The following TAF1A variants were observed in gnomAD, a reference collection of about 807,000 sequenced individuals.
The protein encoded by TAF1A is TATA box-binding protein-associated factor RNA polymerase I subunit A.
A neutral mutation model predicts 61.6 loss-of-function variants in TAF1A; 42 were observed. The observed-to-expected ratio is 0.68, with a 90% CI of 0.53 to 0.88. The LOEUF is 0.88. Among genes scored for constraint, TAF1A ranks in the 40% least tolerant of loss-of-function variants. The pLI is 0.00. For synonymous variants in TAF1A, 179 were observed against 177.7 expected, an observed-to-expected ratio of 1.01 and a Z score of -0.06; for missense variants, 424 against 518.7, an observed-to-expected ratio of 0.82 and a Z score of 1.77.
chr1:222,568,032 A>G (rs1660182276), intron 7 of TAF1A, among the ~76,000 whole-genome samples: 1 of 152,172 alleles, frequency 6.6e-6, no homozygotes, highest in African/African-American at 2.4e-5. Flanking sequence ...AAAGTTCCAA[A>G]TGTACTAAAT....
chr1:222,573,596 A>C (rs1660447464), intron 5 of TAF1A, among the ~76,000 whole-genome samples: 1 of 152,234 alleles, frequency 6.6e-6, no homozygotes, highest in South Asian at 2.1e-4. Flanking sequence ...AAAGACAGAT[A>C]ATGGCAAGTG....
At chr1:222,569,352 G>C (rs1467739324) in intron 7 of TAF1A, 158 bp downstream of exon 7, 1 of 1,539,614 alleles carries the variant, frequency 6.5e-7, no homozygotes, top group Non-Finnish European at 8.7e-7. Context: ...ATACATACAT[G>C]GAGATGGCAG....
intron 2 of TAF1A, among the ~76,000 whole-genome samples, chr1:222,584,713 T>C (rs1660943221): frequency 6.6e-6 from 1 of 152,212 alleles, no homozygotes; most frequent in Non-Finnish European, 1.5e-5. Flanking sequence ...AGTGGGCTTT[T>C]ATTTTTTAAG....
At chr1:222,560,204 TAACCAGAGC>T (rs1247297995) in intron 10 of TAF1A, among the ~76,000 whole-genome samples, 3 of 152,124 alleles carry the variant, frequency 2.0e-5, no homozygotes, top group Non-Finnish European at 2.9e-5. Flanking sequence ...GTAAGGTTGG[TAACCAGAGC>T]AAGAAGAAAA....
At chr1:222,570,809 C>T (rs753761585) in intron 5 of TAF1A, 144 bp from the exon 6 acceptor site, 155 of 744,454 alleles carry the variant, frequency 2.1e-4, no homozygotes, top group Non-Finnish European at 2.9e-4. Flanking sequence ...AAGGAAAATA[C>T]TAATTCTTCA....
At chr1:222,583,301 GA>G (rs935523895) in intron 3 of TAF1A, among the ~76,000 whole-genome samples, 3 of 151,268 alleles carry the variant, frequency 2.0e-5, no homozygotes, top group African/African-American at 7.3e-5. Context: ...TTTCATGGGA[GA>G]AAAAAAAGGT....
At position 222,585,455 on chromosome 1, in the gene TAF1A, T is replaced by TAAA. The variant is rs199512248; in HGVS notation, c.122-1161_122-1159dup. Among the ~76,000 whole-genome samples the TAAA allele has an allele frequency of 6.3e-4, 87 of 137,622 alleles. 1 individual carries two copies. The highest frequency in any genetic ancestry group is 2.3e-3 in the African/African-American group (85 of 37,214). 90.3% of individuals were successfully genotyped at this position (137,622 alleles called of 152,430 possible). A position where few individuals can be genotyped will look rare whatever the true frequency, so the allele number is the denominator to read the frequency against. On this transcript the variant is annotated intron_variant, in intron 2 of 10. Coordinates refer to ENST00000352967, the MANE Select transcript of TAF1A (RefSeq NM_005681.4). Reference sequence around the variant, plus strand: ...GGGGAAAAGTTTTAGATAACTTTATTAAAAAAAAAAAAAAAAGAGTCTTGC... The same window carrying TAAA: ...GGGGAAAAGTTTTAGATAACTTTATTAAAAAAAAAAAAAAAAAAAGAGTCTTGC...
At chr1:222,576,852 T>G (rs1660590279) in intron 5 of TAF1A, among the ~76,000 whole-genome samples, 1 of 152,214 alleles carries the variant, frequency 6.6e-6, no homozygotes, top group Non-Finnish European at 1.5e-5. Flanking sequence ...GCAAAGACTT[T>G]CTTCTTGACC....
At chr1:222,571,701 ACT>A (rs1571809534) in intron 5 of TAF1A, among the ~76,000 whole-genome samples, 1 of 152,160 alleles carries the variant, frequency 6.6e-6, no homozygotes, top group East Asian at 1.9e-4. Flanking sequence ...GAAAAGTGAT[ACT>A]GTTGAAAAAA....
intron 5 of TAF1A, 139 bp downstream of exon 5, chr1:222,577,306 A>G (rs1660609890): frequency 1.2e-5 from 8 of 654,872 alleles, no homozygotes; most frequent in Non-Finnish European, 2.1e-5. Flanking sequence ...ATTATAAAGG[A>G]TCAAGAATTT....
Position 222,567,202 on chromosome 1 carries a change from G to A in TAF1A, c.894+2308C>T, listed in dbSNP as rs374724965. Among the ~76,000 whole-genome samples the A allele has an allele frequency of 1.2e-4, 19 of 152,224 alleles. 1 individual carries two copies. The highest frequency in any genetic ancestry group is 9.7e-4 in the East Asian group (5 of 5,180). On this transcript the variant is annotated intron_variant, in intron 7 of 10. Coordinates refer to ENST00000352967, the MANE Select transcript of TAF1A (RefSeq NM_005681.4). ...AAGTGAAATTAGCAAGACACAAAAGGACAAATGTTATATGATTCCACTTAT... is the reference window on the plus strand; with the variant it reads ...AAGTGAAATTAGCAAGACACAAAAGAACAAATGTTATATGATTCCACTTAT...
Position 222,569,328 on chromosome 1 carries a change from G to GGATA in TAF1A, c.894+178_894+181dup, listed in dbSNP as rs1214704594. The GGATA allele has an allele frequency of 2.6e-5, 40 of 1,524,704 alleles. No individual in the cohort carries two copies. In the African/African-American group the frequency reaches 4.1e-4, roughly 16 times the overall value. The allele number at this position is 1,524,704 out of a possible 1,614,324, so 94.4% of individuals were successfully genotyped here. A position where few individuals can be genotyped will look rare whatever the true frequency, so the allele number is the denominator to read the frequency against. ...TCCTCAGTCTCATCCGGGCAGCAGG[G>GGATA]GATAGTGTGGATGATACATACATGG... On this transcript the variant is annotated intron_variant, in intron 7 of 10. Transcript: ENST00000352967.
At chr1:222,562,813 A>C (rs1168187732) in intron 9 of TAF1A, among the ~76,000 whole-genome samples, 1 of 152,174 alleles carries the variant, frequency 6.6e-6, no homozygotes, top group Non-Finnish European at 1.5e-5. Flanking sequence ...GTAGGAGGAA[A>C]GCTGCTTCCC....
intron 2 of TAF1A, among the ~76,000 whole-genome samples, chr1:222,586,164 T>A (rs1383504470): frequency 6.6e-6 from 1 of 152,110 alleles, no homozygotes; most frequent in South Asian, 2.1e-4. Flanking sequence ...TCACCTGGAA[T>A]CTCATTACAA....
At chr1:222,585,614 C>T (rs1380077104) in intron 2 of TAF1A, among the ~76,000 whole-genome samples, 1 of 152,144 alleles carries the variant, frequency 6.6e-6, no homozygotes, top group Admixed American at 6.5e-5. Context: ...ACCTGGCCAA[C>T]AACACGTTTA....
chr1:222,584,892 C>T (rs1660951360), intron 2 of TAF1A, among the ~76,000 whole-genome samples: 1 of 152,236 alleles, frequency 6.6e-6, no homozygotes, highest in Admixed American at 6.5e-5. Flanking sequence ...ATCTTCTTAT[C>T]TTCCCACGTA....
At chr1:222,563,113 C>A in intron 9 of TAF1A, 60 bp downstream of exon 9, 1 of 1,439,294 alleles carries the variant, frequency 6.9e-7, no homozygotes, top group African/African-American at 1.5e-5. Context: ...TTGATATTAG[C>A]TAAAATATTG....
intron 4 of TAF1A, among the ~76,000 whole-genome samples, chr1:222,578,264 T>C (rs560535910): frequency 5.9e-5 from 9 of 152,236 alleles, no homozygotes; most frequent in Middle Eastern, 6.8e-3. Context: ...AGGAGAATAA[T>C]GAGAACTACA....
intron 5 of TAF1A, among the ~76,000 whole-genome samples, chr1:222,572,597 C>T (rs375461913): frequency 5.9e-5 from 9 of 152,120 alleles, no homozygotes; most frequent in Non-Finnish European, 1.0e-4. Context: ...AGGGCTCATG[C>T]GATCTACCTG....
Sources: gnomAD v4.1 joint callset for allele counts (sites outside exome capture counted in the v4.1 genomes callset) on GRCh38, gnomAD v4.1.1 for gene constraint, MANE v1.5 for transcripts, NCBI Gene and HGNC (gene_info 2026-07-23, HGNC 2026-07-21) for gene names.